PCDHA8: variants seen among roughly 807,000 people sequenced by gnomAD.
PCDHA8 encodes protocadherin alpha-8.
In PCDHA8, 53 loss-of-function variants were observed where a neutral mutation model predicts 61.8. The ratio of observed to expected loss-of-function variants is 0.86; its 90% CI spans 0.69 to 1.08. PCDHA8 has a LOEUF of 1.08. Among genes scored for constraint, PCDHA8 ranks in the 50% least tolerant of loss-of-function variants. The pLI is 0.00. For synonymous variants in PCDHA8, 618 were observed against 556.6 expected (o/e 1.11, Z -1.55); for missense variants, 1,293 against 1,245.0 (o/e 1.04, Z -0.58).
chr5:140,900,752 T>C lies in PCDHA8; in HGVS notation c.2394+57037T>C, dbSNP rs565842266. On this transcript the variant is annotated intron_variant, in intron 1 of 3. Coordinates refer to ENST00000531613, the MANE Select transcript of PCDHA8 (RefSeq NM_018911.3). ...GCAGTGGGATTTCTGGATCACTTGG[T>C]AGCTCTATTTTTGGCTTTTTGAGGA... Among the ~76,000 whole-genome samples, 3 of 152,272 alleles carry C rather than the reference T, an allele frequency of 2.0e-5. No homozygotes were observed. In the East Asian group the frequency reaches 5.8e-4, roughly 29 times the overall value.
chr5:140,843,762 T>G, intron 1 of PCDHA8, 47 bp downstream of exon 1: 4 of 1,493,648 alleles, frequency 2.7e-6, no homozygotes, highest in Non-Finnish European at 3.7e-6. Context: ...TTGTGGAAAT[T>G]GTAGTTACTT....
intron 3 of PCDHA8, among the ~76,000 whole-genome samples, chr5:140,997,288 T>C (rs1554255825): frequency 1.3e-5 from 2 of 152,222 alleles, no homozygotes; most frequent in African/African-American, 4.8e-5. Context: ...CACTTAACAA[T>C]GGGGATACAC....
intron 1 of PCDHA8, among the ~76,000 whole-genome samples, chr5:140,963,550 A>G (rs1484541648): frequency 6.6e-6 from 1 of 152,202 alleles, no homozygotes; most frequent in Non-Finnish European, 1.5e-5. Context: ...TGATATAAAA[A>G]GGGGCTGTTT....
At chr5:141,008,488 C>A (rs1300609417) in intron 3 of PCDHA8, among the ~76,000 whole-genome samples, 1 of 152,124 alleles carries the variant, frequency 6.6e-6, no homozygotes, top group Non-Finnish European at 1.5e-5. Flanking sequence ...CTAGAAGTCA[C>A]TGGTATACTT....
chr5:140,986,777 G>A (rs1203790689), intron 3 of PCDHA8, among the ~76,000 whole-genome samples: 5 of 152,234 alleles, frequency 3.3e-5, no homozygotes, highest in Admixed American at 6.5e-5. Flanking sequence ...ATTAGGTAGC[G>A]GAAGCCACTA....
chr5:140,849,664 C>G, intron 1 of PCDHA8: 1 of 1,598,668 alleles, frequency 6.3e-7, no homozygotes, highest in Non-Finnish European at 8.6e-7. Flanking sequence ...TGCTCCCTGA[C>G]GCCCCACGTC....
At chr5:140,940,470 A>AT (rs201096499) in intron 1 of PCDHA8, among the ~76,000 whole-genome samples, 9 of 149,600 alleles carry the variant, frequency 6.0e-5, no homozygotes, top group East Asian at 5.9e-4. Context: ...GTTCCCTGCA[A>AT]TTTTTTTTTT....
intron 1 of PCDHA8, chr5:140,876,794 T>G: frequency 6.2e-7 from 1 of 1,614,056 alleles, no homozygotes; most frequent in Non-Finnish European, 8.5e-7. Flanking sequence ...ACGGCTAGAG[T>G]GTCCGTGGAG....
At chr5:140,956,551 C>T (rs995941205) in intron 1 of PCDHA8, among the ~76,000 whole-genome samples, 1 of 152,148 alleles carries the variant, frequency 6.6e-6, no homozygotes, top group Non-Finnish European at 1.5e-5. Context: ...ATTTGGTTTG[C>T]CAGTATCTTA....
In PCDHA8 at chr5:140,843,145, GT is replaced by G; in HGVS notation, c.1825del (p.Tyr609MetfsTer43). 6.3e-7 allele frequency: 1 copy of G among 1,596,072 alleles called. No homozygotes were observed. The highest frequency in any genetic ancestry group is 8.6e-7 in the Non-Finnish European group (1 of 1,165,594). ...ACTCGGGCTACAACGCGTGGCTTTC[GT>G]ATGAGCTGCAGCCAGCTGCAAGCAG... ...ADSGYNAWLS[Y>X]ELQPAASSPR... On this transcript the variant is annotated frameshift_variant, in exon 1 of 4. Transcript: ENST00000531613. LOFTEE classifies it high-confidence loss of function.
chr5:140,967,056 G>A, intron 1 of PCDHA8: 1 of 1,612,712 alleles, frequency 6.2e-7, no homozygotes, highest in Non-Finnish European at 8.5e-7. Context: ...CTGACGAGTG[G>A]AGCGCTCTTC....
chr5:140,902,548 A>G (rs1554190491), intron 1 of PCDHA8, among the ~76,000 whole-genome samples: 1 of 152,028 alleles, frequency 6.6e-6, no homozygotes, highest in East Asian at 1.9e-4. Flanking sequence ...TTCCTTCTAT[A>G]CCCAGATTTT....
intron 1 of PCDHA8, among the ~76,000 whole-genome samples, chr5:140,950,519 A>G (rs1359001168): frequency 6.6e-6 from 1 of 152,034 alleles, no homozygotes; most frequent in Non-Finnish European, 1.5e-5. Flanking sequence ...TGTGTGCGAT[A>G]TGATTGTTTT....
intron 1 of PCDHA8, among the ~76,000 whole-genome samples, chr5:140,897,453 C>T (rs1437046068): frequency 6.6e-6 from 1 of 151,162 alleles, no homozygotes; most frequent in African/African-American, 2.4e-5. Context: ...GTTTTTTGTC[C>T]TTGCGATAGT....
intron 3 of PCDHA8, among the ~76,000 whole-genome samples, chr5:141,005,012 G>T (rs782256217): frequency 3.3e-5 from 5 of 152,212 alleles, no homozygotes; most frequent in Non-Finnish European, 4.4e-5. Context: ...CCTGAGAGCT[G>T]CATTATATAT....
intron 1 of PCDHA8, chr5:140,849,631 C>T (rs1420116436): frequency 1.3e-6 from 2 of 1,598,614 alleles, no homozygotes; most frequent in Admixed American, 1.7e-5. Context: ...GACCTAGACG[C>T]AGATGCCAAC....
chr5:140,963,543 T>C (rs1390082859), intron 1 of PCDHA8, among the ~76,000 whole-genome samples: 2 of 152,238 alleles, frequency 1.3e-5, no homozygotes, highest in East Asian at 1.9e-4. Flanking sequence ...TACTTCATGA[T>C]ATAAAAAGGG....
chr5:140,860,155 A>G (rs1159738413), intron 1 of PCDHA8: 2 of 149,648 alleles, frequency 1.3e-5, no homozygotes, highest in African/African-American at 4.9e-5. Flanking sequence ...ATATATGTGT[A>G]TATATATATG....
intron 1 of PCDHA8, among the ~76,000 whole-genome samples, chr5:140,961,121 T>A (rs551567804): frequency 6.6e-6 from 1 of 152,330 alleles, no homozygotes; most frequent in African/African-American, 2.4e-5. Context: ...TGCATCTTAA[T>A]GTCTTGGCAC....
Sources: allele counts gnomAD v4.1 joint callset (sites outside exome capture counted in the v4.1 genomes callset), GRCh38; gene constraint gnomAD v4.1.1; transcripts MANE v1.5; gene names NCBI Gene and HGNC (gene_info 2026-07-23, HGNC 2026-07-21).